Variants in CDK8 observed in about 807,000 individuals in gnomAD.
CDK8 encodes cyclin dependent kinase 8.
Under a neutral mutation model 71.5 loss-of-function variants are expected in CDK8, and 29 were observed. The ratio of observed to expected loss-of-function variants is 0.41; its 90% CI spans 0.30 to 0.55. The LOEUF is 0.55. Ranked by LOEUF, CDK8 falls within the 20% of genes least tolerant of loss-of-function variation. The probability of loss-of-function intolerance (pLI) is 0.37; values close to 1 mark genes in which losing one functional copy is unlikely to be tolerated. For missense variants in CDK8, 288 were observed against 572.6 expected, an observed-to-expected ratio of 0.50 and a Z score of 5.07; for synonymous variants, 161 against 192.1, an observed-to-expected ratio of 0.84 and a Z score of 1.34.
chr13:26,394,225 A>G (rs2138064486), intron 7 of CDK8, among the ~76,000 whole-genome samples: 1 of 152,328 alleles, frequency 6.6e-6, no homozygotes, highest in East Asian at 1.9e-4. Flanking sequence ...TACTTAGTAG[A>G]AAGTGTTTCT....
At chr13:26,257,654 A>G (rs749050310) in intron 1 of CDK8, among the ~76,000 whole-genome samples, 35 of 152,156 alleles carry the variant, frequency 2.3e-4, no homozygotes, top group Non-Finnish European at 4.7e-4. Flanking sequence ...AGTTTAGGCA[A>G]CCAAACTAAT....
intron 1 of CDK8, among the ~76,000 whole-genome samples, chr13:26,324,081 A>G (rs1339206601): frequency 2.0e-5 from 3 of 152,194 alleles, no homozygotes; most frequent in Non-Finnish European, 4.4e-5. Flanking sequence ...AATGTTAAAT[A>G]TTAGTGTTTA....
At chr13:26,291,248 A>G (rs1203570591) in intron 1 of CDK8, among the ~76,000 whole-genome samples, 8 of 152,172 alleles carry the variant, frequency 5.3e-5, no homozygotes, top group African/African-American at 1.9e-4. Flanking sequence ...GCCTAGGTGT[A>G]CAGTAGGCTA....
At chr13:26,357,367 T>G (rs2138004826) in intron 4 of CDK8, among the ~76,000 whole-genome samples, 1 of 152,356 alleles carries the variant, frequency 6.6e-6, no homozygotes, top group South Asian at 2.1e-4. Context: ...AATTCATTGA[T>G]CCAAACCAAA....
In CDK8 at chr13:26,404,424, G is replaced by T. The variant is rs898018033; in HGVS notation, c.*343G>T. On this transcript the variant is annotated 3_prime_UTR_variant, in exon 13 of 13. Transcript: ENST00000381527. ...GTGCTAGGGGCAAGCATTTGTCTTT[G>T]TATGTGGTGAATTTTTTCAGTGTAA... The T allele has an allele frequency of 1.1e-5, 3 of 271,940 alleles. No individual in the cohort carries two copies. Among genetic ancestry groups the T allele is most frequent in the Non-Finnish European group, 2.1e-5 (3 of 141,250 alleles). The allele number at this position is 271,940 out of a possible 1,614,324, so 16.8% of individuals were successfully genotyped here. A position where few individuals can be genotyped will look rare whatever the true frequency, so the allele number is the denominator to read the frequency against.
At position 26,369,526 on chromosome 13, in the gene CDK8, A is replaced by ATTT. The variant is rs1203523401; in HGVS notation, c.457-13268_457-13266dup. Among the ~76,000 whole-genome samples, 104 of 98,430 alleles carry ATTT rather than the reference A, an allele frequency of 1.1e-3. 2 individuals are homozygous for ATTT. Among genetic ancestry groups the ATTT allele is most frequent in the African/African-American group, 3.3e-3 (74 of 22,638 alleles). The allele number at this position is 98,430 out of a possible 152,430, so 64.6% of individuals were successfully genotyped here. ...TGGTGCACTGAACTGAGGTTGGACGATTTTTTTTTTTTTTTTTTTTTTGAG... is the reference window on the plus strand; with the variant it reads ...TGGTGCACTGAACTGAGGTTGGACGATTTTTTTTTTTTTTTTTTTTTTTTTGAG... On this transcript the variant is annotated intron_variant, in intron 4 of 12. Transcript: ENST00000381527.
rs1871443939 is a variant in CDK8 at position 26,254,814 on chromosome 13, C to G, written c.128+45C>G. The G allele has an allele frequency of 1.3e-6, 2 of 1,598,520 alleles. No individual in the cohort carries two copies. The highest frequency in any genetic ancestry group is 2.7e-5 in the African/African-American group (2 of 74,254). On this transcript the variant is annotated intron_variant, in intron 1 of 12. Transcript: ENST00000381527. This position sits in a 1 kb window ranked among gnomAD's most constrained non-coding sequence, Gnocchi z 6.7. Reference sequence around the variant, plus strand: ...CCGGTGTCCGCGCTGGGCGGCGCTCCCGCAGGCCGAGGCAGGTAGCCCGGA... The same window carrying G: ...CCGGTGTCCGCGCTGGGCGGCGCTCGCGCAGGCCGAGGCAGGTAGCCCGGA...
intron 3 of CDK8, among the ~76,000 whole-genome samples, chr13:26,352,569 A>T (rs927701573): frequency 2.0e-5 from 3 of 152,132 alleles, no homozygotes; most frequent in African/African-American, 7.2e-5. Flanking sequence ...ATATTTTAGG[A>T]CAGGTGACAA....
intron 8 of CDK8, 105 bp downstream of exon 8, chr13:26,396,459 T>A: frequency 2.6e-6 from 1 of 390,946 alleles, no homozygotes; most frequent in Non-Finnish European, 4.6e-6. Context: ...AAGATTACTC[T>A]AATAAATAAT....
chr13:26,318,483 G>C (rs925629998), intron 1 of CDK8, among the ~76,000 whole-genome samples: 1 of 152,098 alleles, frequency 6.6e-6, no homozygotes, highest in Non-Finnish European at 1.5e-5. Context: ...AACACTATAA[G>C]AAAAACTACA....
At chr13:26,338,488 T>C (rs1189694269) in intron 2 of CDK8, among the ~76,000 whole-genome samples, 2 of 152,052 alleles carry the variant, frequency 1.3e-5, no homozygotes, top group East Asian at 1.9e-4. Context: ...TGTCAAGCAC[T>C]GTGATAGAAG....
chr13:26,322,472 A>G (rs1874820091), intron 1 of CDK8, among the ~76,000 whole-genome samples: 1 of 152,016 alleles, frequency 6.6e-6, no homozygotes, highest in African/African-American at 2.4e-5. Flanking sequence ...ACCTAATTAC[A>G]GTGAGTCCTT....
chr13:26,330,524 T>TA (rs1415376821), intron 1 of CDK8, among the ~76,000 whole-genome samples: 2 of 152,184 alleles, frequency 1.3e-5, no homozygotes, highest in Non-Finnish European at 2.9e-5. Flanking sequence ...CCTTTTATCT[T>TA]ACTGTATGTT....
At chr13:26,305,134 G>A (rs186566553) in intron 1 of CDK8, among the ~76,000 whole-genome samples, 11 of 152,180 alleles carry the variant, frequency 7.2e-5, no homozygotes, top group Admixed American at 3.9e-4. Flanking sequence ...ACACCCTTTA[G>A]TGTTTTGTTT....
intron 1 of CDK8, among the ~76,000 whole-genome samples, chr13:26,320,492 A>G (rs1019476472): frequency 2.0e-5 from 3 of 152,186 alleles, no homozygotes; most frequent in Non-Finnish European, 4.4e-5. Context: ...TTTCTTGGAT[A>G]TGGCACAGGC....
intron 1 of CDK8, among the ~76,000 whole-genome samples, chr13:26,290,952 T>TAA (rs561129778): frequency 6.7e-6 from 1 of 150,358 alleles, no homozygotes; most frequent in African/African-American, 2.4e-5. Context: ...CTGTCTGTAC[T>TAA]AAAAAAAAAT....
At chr13:26,359,569 T>C (rs1874044154) in intron 4 of CDK8, 1 of 188,076 alleles carries the variant, frequency 5.3e-6, no homozygotes, top group African/African-American at 2.4e-5. Context: ...CTGAACTGTT[T>C]CTGAAAAAGT....
intron 6 of CDK8, among the ~76,000 whole-genome samples, chr13:26,388,249 A>G (rs1331639920): frequency 6.6e-6 from 1 of 152,206 alleles, no homozygotes; most frequent in Non-Finnish European, 1.5e-5. Flanking sequence ...GGAATTCTCT[A>G]TACTATCTTT....
chr13:26,387,142 T>C (rs906214963), intron 6 of CDK8, among the ~76,000 whole-genome samples: 1 of 152,240 alleles, frequency 6.6e-6, no homozygotes, highest in Non-Finnish European at 1.5e-5. Context: ...GATTACTTTT[T>C]CATAGTATCT....
Sources: gnomAD v4.1 joint callset for allele counts (sites outside exome capture counted in the v4.1 genomes callset) on GRCh38, gnomAD v4.1.1 for gene constraint, Gnocchi (gnomAD v3.1) non-coding constraint, MANE v1.5 for transcripts, NCBI Gene and HGNC (gene_info 2026-07-23, HGNC 2026-07-21) for gene names.